The following CCNY variants were observed in gnomAD, a reference collection of about 807,000 sequenced individuals.
CCNY encodes cyclin-Y.
CCNY carries 19 observed loss-of-function variants against 42.8 expected under a neutral mutation model. The observed-to-expected ratio is 0.44, with a 90% CI of 0.31 to 0.65. The LOEUF (loss-of-function observed/expected upper bound fraction) is 0.65. Ranked by LOEUF, CCNY falls within the 30% of genes least tolerant of loss-of-function variation. The pLI, the probability that CCNY is intolerant of heterozygous loss-of-function variation, is 0.07. For missense variants in CCNY, 370 were observed against 437.3 expected, an observed-to-expected ratio of 0.85 and a Z score of 1.37; for synonymous variants, 165 against 162.7, an observed-to-expected ratio of 1.01 and a Z score of -0.11.
intron 1 of CCNY, among the ~76,000 whole-genome samples, chr10:35,340,691 A>G (rs1032761982): frequency 6.6e-6 from 1 of 151,852 alleles, no homozygotes; most frequent in Non-Finnish European, 1.5e-5. Context: ...TTTAGTAGAG[A>G]TGGGGTTTCT....
chr10:35,460,905 A>G (rs1385113176), intron 1 of CCNY, among the ~76,000 whole-genome samples: 2 of 152,214 alleles, frequency 1.3e-5, no homozygotes, highest in Admixed American at 6.5e-5. Flanking sequence ...TGAACAGGAT[A>G]CAGTATTTGT....
chr10:35,521,014 A>G (rs1205290649), intron 4 of CCNY, among the ~76,000 whole-genome samples: 1 of 152,230 alleles, frequency 6.6e-6, no homozygotes, highest in Non-Finnish European at 1.5e-5. Context: ...TCTATGGCTC[A>G]GCCCCACTGT....
chr10:35,374,026 A>C (rs959660156), intron 1 of CCNY, among the ~76,000 whole-genome samples: 2 of 152,214 alleles, frequency 1.3e-5, no homozygotes, highest in African/African-American at 4.8e-5. Flanking sequence ...ACTGGTTGGA[A>C]ATGACACATA....
upstream of CCNY, among the ~76,000 whole-genome samples, chr10:35,332,673 C>T (rs535087913): frequency 5.6e-4 from 85 of 152,162 alleles, no homozygotes; most frequent in African/African-American, 1.9e-3. Flanking sequence ...GGCACGATCT[C>T]GGCTCACTGC....
At chr10:35,259,134 C>A (rs560660122) in intron 3 of CCNY, among the ~76,000 whole-genome samples, 1 of 152,022 alleles carries the variant, frequency 6.6e-6, no homozygotes, top group Non-Finnish European at 1.5e-5. Flanking sequence ...AGATTCTGCC[C>A]GGGTAATTGT....
At chr10:35,562,299 A>C (rs1841482302) in intron 8 of CCNY, among the ~76,000 whole-genome samples, 2 of 152,182 alleles carry the variant, frequency 1.3e-5, no homozygotes, top group Non-Finnish European at 2.9e-5. Context: ...TTTGTTTTTA[A>C]ATTGTAGTAA....
Position 35,445,435 on chromosome 10 carries a change from T to C in CCNY, c.155-37969T>C, listed in dbSNP as rs1288995315. ...AAATGTAAGGGTTAGGGGAAGAGAC[T>C]GCATGGAGAGACTGAGCAGAGAAGC... On this transcript the variant is annotated intron_variant, in intron 1 of 9. Coordinates refer to ENST00000374704, the MANE Select transcript of CCNY (RefSeq NM_145012.6). Among the ~76,000 whole-genome samples the C allele has an allele frequency of 2.0e-5, 3 of 152,196 alleles. No homozygotes were observed. In the East Asian group the frequency reaches 5.8e-4, roughly 29 times the overall value.
intron 3 of CCNY, among the ~76,000 whole-genome samples, chr10:35,272,600 T>C (rs1324204178): frequency 6.6e-6 from 1 of 152,202 alleles, no homozygotes; most frequent in Non-Finnish European, 1.5e-5. Flanking sequence ...GGACATGATG[T>C]TGTTCTTTTT....
intron 1 of CCNY, among the ~76,000 whole-genome samples, chr10:35,462,433 T>G (rs1395372767): frequency 6.6e-6 from 1 of 152,204 alleles, no homozygotes; most frequent in East Asian, 1.9e-4. Context: ...CTGGTATTGC[T>G]TTGCCATTAT....
At chr10:35,549,840 G>A (rs1223696680) in intron 7 of CCNY, among the ~76,000 whole-genome samples, 1 of 4,148 alleles carries the variant, frequency 2.4e-4, no homozygotes, top group African/African-American at 9.6e-4. Flanking sequence ...TACACTGCTC[G>A]TGACCCTGCG....
rs549993415 is a variant in CCNY, at chr10:35,508,324, A to G, written c.264+6789A>G. 2.0e-5 allele frequency among the ~76,000 whole-genome samples: 3 copies of G among 152,260 alleles called. No individual in the cohort carries two copies. In the East Asian group the frequency reaches 5.8e-4, roughly 29 times the overall value. On this transcript the variant is annotated intron_variant, in intron 3 of 9. Transcript: ENST00000374704. ...GATACCTAGTTCATGCTTGTGCTTA[A>G]ATATTTCGATGTCCTAGATTTGGGT... is the stretch of plus-strand genomic sequence containing the variant.
chr10:35,280,908 A>G (rs996513483), intron 3 of CCNY, among the ~76,000 whole-genome samples: 10 of 152,234 alleles, frequency 6.6e-5, no homozygotes, highest in African/African-American at 2.4e-4. Flanking sequence ...TACTAAAAAG[A>G]CATACAATCT....
intron 1 of CCNY, among the ~76,000 whole-genome samples, chr10:35,368,336 A>C (rs144157635): frequency 2.0e-5 from 3 of 152,366 alleles, no homozygotes; most frequent in East Asian, 3.9e-4. Context: ...CTTTGCACTA[A>C]AATGGAATGA....
intron 3 of CCNY, among the ~76,000 whole-genome samples, chr10:35,264,636 C>T (rs1184315921): frequency 6.6e-6 from 1 of 151,938 alleles, no homozygotes; most frequent in Non-Finnish European, 1.5e-5. Context: ...TGTTCAGGTC[C>T]TTTGCCCAGT....
In CCNY at chr10:35,526,016, G is replaced by A. The variant is rs1283924764; in HGVS notation, c.401+17G>A. ...CAAAAACAGGTATGTGGATGGTTGTGTGCTAAAAACATCATACGTTATCTT... is the reference window on the plus strand; with the variant it reads ...CAAAAACAGGTATGTGGATGGTTGTATGCTAAAAACATCATACGTTATCTT... On this transcript the variant is annotated intron_variant, in intron 5 of 9. Transcript: ENST00000374704. 6.2e-7 allele frequency: 1 copy of A among 1,604,328 alleles called. No individual in the cohort carries two copies. The highest frequency in any genetic ancestry group is 1.3e-5 in the African/African-American group (1 of 74,646).
chr10:35,337,801 CTCTTTAAAAGATTGTCAG>C (rs1286734334), intron 1 of CCNY, among the ~76,000 whole-genome samples: 2 of 151,998 alleles, frequency 1.3e-5, no homozygotes. Flanking sequence ...CCCGAGAATG[CTCTTTAAAAGATTGTCAG>C]ACACCTTTGG....
intron 7 of CCNY, 98 bp from the exon 8 acceptor site, chr10:35,552,921 T>C: frequency 8.3e-7 from 1 of 1,200,650 alleles, no homozygotes; most frequent in Non-Finnish European, 1.2e-6. Context: ...AATTCCCATT[T>C]AAAGGTGGAT....
chr10:35,375,408 C>A (rs1230206940), intron 1 of CCNY, among the ~76,000 whole-genome samples: 1 of 152,166 alleles, frequency 6.6e-6, no homozygotes, highest in African/African-American at 2.4e-5. Context: ...TTTTTAGGAT[C>A]CTTGTGATTA....
chr10:35,569,156 GC>G lies in CCNY; in HGVS notation c.1014del (p.Ile339SerfsTer50). On this transcript the variant is annotated frameshift_variant, in exon 10 of 10. Coordinates refer to ENST00000374704, the MANE Select transcript of CCNY (RefSeq NM_145012.6). LOFTEE classifies it high-confidence loss of function. ...DNLTLPRWSP[A>X]IIS is the part of the protein sequence containing the mutation. The stretch of plus-strand genomic sequence containing the variant: ...CCTGACTCTGCCCCGGTGGTCCCCA[GC>G]CATCATCTCTTAACTACGGAGGCCC... The G allele has an allele frequency of 6.2e-7, 1 of 1,608,592 alleles. No individual in the cohort carries two copies. The highest frequency in any genetic ancestry group is 8.5e-7 in the Non-Finnish European group (1 of 1,176,866).
Sources: allele counts gnomAD v4.1 joint callset (sites outside exome capture counted in the v4.1 genomes callset), GRCh38; gene constraint gnomAD v4.1.1; transcripts MANE v1.5; gene names NCBI Gene and HGNC (gene_info 2026-07-23, HGNC 2026-07-21).